CAMK2G: variants seen among roughly 807,000 people sequenced by gnomAD.
CAMK2G encodes calcium/calmodulin dependent protein kinase II gamma, also known as calcium/calmodulin-dependent protein kinase type II subunit gamma.
Under a neutral mutation model 88.7 loss-of-function variants are expected in CAMK2G, and 23 were observed. The ratio of observed to expected loss-of-function variants is 0.26; its 90% CI spans 0.19 to 0.37. The LOEUF (loss-of-function observed/expected upper bound fraction) is 0.37. Among genes scored for constraint, CAMK2G ranks in the 10% least tolerant of loss-of-function variants. The probability of loss-of-function intolerance (pLI) is 1.00; values close to 1 mark genes in which losing one functional copy is unlikely to be tolerated. For synonymous variants in CAMK2G, 263 were observed against 294.8 expected, an observed-to-expected ratio of 0.89 and a Z score of 1.11; for missense variants, 476 against 780.8, an observed-to-expected ratio of 0.61 and a Z score of 4.65.
In CAMK2G at chr10:73,848,716, C is replaced by T; in HGVS notation, c.518-107G>A. 1 of 699,808 alleles carries T rather than the reference C, an allele frequency of 1.4e-6. No individual in the cohort carries two copies. The highest frequency in any genetic ancestry group is 2.5e-6 in the Non-Finnish European group (1 of 401,306). The allele number at this position is 699,808 out of a possible 1,614,324, so 43.3% of individuals were successfully genotyped here. ...CATCTTATTCCTGCTGCTTTTGCTA[C>T]ATAAACTCTCAGCACATGGGCAGCA... On this transcript the variant is annotated intron_variant, in intron 7 of 22. Coordinates refer to ENST00000423381, the MANE Select transcript of CAMK2G (RefSeq NM_001367534.1). This position sits in a 1 kb window ranked among gnomAD's most constrained non-coding sequence, Gnocchi z 4.5.
At chr10:73,872,821 A>G (rs982306489) in intron 2 of CAMK2G, among the ~76,000 whole-genome samples, 168 bp downstream of exon 2, 4 of 152,088 alleles carry the variant, frequency 2.6e-5, no homozygotes, top group Non-Finnish European at 5.9e-5. Context: ...CCAGTCCCCC[A>G]TGCAACTCCT....
intron 20 of CAMK2G, 25 bp downstream of exon 20, chr10:73,817,454 C>CAA: frequency 8.8e-6 from 13 of 1,473,190 alleles, no homozygotes; most frequent in Non-Finnish European, 1.1e-5. Flanking sequence ...ACTTAGGTCA[C>CAA]AAAAAAAAAT....
chr10:73,844,491 T>C (rs943373948), intron 10 of CAMK2G, among the ~76,000 whole-genome samples: 2 of 152,038 alleles, frequency 1.3e-5, no homozygotes, highest in Admixed American at 6.5e-5. Flanking sequence ...CACTGCAACC[T>C]CCACCTCCTG....
At chr10:73,834,240 T>G (rs1039720917) in intron 14 of CAMK2G, among the ~76,000 whole-genome samples, 1 of 152,204 alleles carries the variant, frequency 6.6e-6, no homozygotes, top group Non-Finnish European at 1.5e-5. Context: ...TAAGAGGGAT[T>G]ATTTGTCACA....
chr10:73,860,484 G>A (rs2095324826), intron 3 of CAMK2G, among the ~76,000 whole-genome samples: 1 of 152,166 alleles, frequency 6.6e-6, no homozygotes, highest in African/African-American at 2.4e-5. Context: ...GGCTGTGGAT[G>A]GCCCCTGGTG....
At chr10:73,864,855 A>G (rs2095526753) in intron 2 of CAMK2G, among the ~76,000 whole-genome samples, 1 of 152,146 alleles carries the variant, frequency 6.6e-6, no homozygotes, top group Admixed American at 6.5e-5. Flanking sequence ...TGTGTTAGCC[A>G]GGATGGTCTC....
chr10:73,813,316 T>A lies in CAMK2G; in HGVS notation c.*1202A>T, dbSNP rs2084609040. Reference sequence around the variant, plus strand: ...GTAAGTCTATACTTCAGTTGGTCAGTAAAGAGGCCTCTGTAAGGACACCTC... The same window carrying A: ...GTAAGTCTATACTTCAGTTGGTCAGAAAAGAGGCCTCTGTAAGGACACCTC... On this transcript the variant is annotated 3_prime_UTR_variant, in exon 23 of 23. Coordinates refer to ENST00000423381, the MANE Select transcript of CAMK2G (RefSeq NM_001367534.1). The A allele has an allele frequency of 6.5e-6, 1 of 152,674 alleles. No homozygotes were observed. Among genetic ancestry groups the A allele is most frequent in the Admixed American group, 6.5e-5 (1 of 15,286 alleles). 9.5% of individuals were successfully genotyped at this position (152,674 alleles called of 1,614,324 possible).
intron 1 of CAMK2G, chr10:73,873,641 G>T: frequency 2.0e-6 from 1 of 504,466 alleles, no homozygotes; most frequent in Non-Finnish European, 2.5e-6. Flanking sequence ...GACACAGTCA[G>T]ACATCAAGAA....
rs372268046 is a variant in CAMK2G at position 73,853,513 on chromosome 10, G to A, written c.221-267C>T. 9.8e-4 allele frequency among the ~76,000 whole-genome samples: 150 copies of A among 152,346 alleles called. 1 individual carries two copies. Among genetic ancestry groups the A allele is most frequent in the African/African-American group, 3.5e-3 (144 of 41,572 alleles). On this transcript the variant is annotated intron_variant, in intron 3 of 22. Transcript: ENST00000423381. ...TAAGAAGTCAAGATGGAGAAAAGCC[G>A]GAACCTTCCCAGAGGGCTGGTCTCC...
chr10:73,855,211 T>A (rs775621006), intron 3 of CAMK2G, among the ~76,000 whole-genome samples: 3 of 152,140 alleles, frequency 2.0e-5, no homozygotes, highest in African/African-American at 7.2e-5. Flanking sequence ...CTTGCGCACC[T>A]CTGGTCTAAG....
intron 2 of CAMK2G, among the ~76,000 whole-genome samples, chr10:73,863,287 T>C (rs972078771): frequency 1.3e-5 from 2 of 152,140 alleles, no homozygotes; most frequent in African/African-American, 4.8e-5. Flanking sequence ...GAACCCCAAG[T>C]AACTCCCAAC....
chr10:73,843,372 G>A (rs1256765726), intron 10 of CAMK2G, among the ~76,000 whole-genome samples: 3 of 152,018 alleles, frequency 2.0e-5, no homozygotes, highest in African/African-American at 7.2e-5. Context: ...CGCCTTTTTT[G>A]GATGGAAATT....
intron 18 of CAMK2G, among the ~76,000 whole-genome samples, chr10:73,820,488 ATATATTTTT>A (rs1414075468): frequency 0.025 from 1,141 of 46,544 alleles, 24 homozygotes; most frequent in African/African-American, 0.11. Flanking sequence ...ATATATATAT[ATATATTTTT>A]TTTTTTTTTT....
Position 73,815,208 on chromosome 10 carries a change from A to G in CAMK2G, c.1574T>C (p.Leu525Pro). The G allele has an allele frequency of 6.2e-7, 1 of 1,614,226 alleles. No individual in the cohort carries two copies. Residue 525 changes from leucine (L) to proline (P), a missense_variant, in exon 22 of 23, where the codon CTA becomes CCA. Around this residue, in one of 3 missense-constraint regions of CAMK2G, gnomAD observed 278 missense variants for 366.5 expected, o/e 0.76. Coordinates refer to ENST00000423381, the MANE Select transcript of CAMK2G (RefSeq NM_001367534.1). ...CCCAATCACGTGGACGTGTGGGTTT[A>G]GGATGGTGGTATGGATAGGCTTGCT... The part of the protein sequence containing the change: ...KNSKPIHTTI[L>P]NPHVHVIGED...
At chr10:73,854,596 G>C (rs1378010604) in intron 3 of CAMK2G, among the ~76,000 whole-genome samples, 1 of 152,174 alleles carries the variant, frequency 6.6e-6, no homozygotes, top group Admixed American at 6.5e-5. Context: ...AAACTAACCA[G>C]TTCAGTGCTA....
At position 73,849,104 on chromosome 10, in the gene CAMK2G, C is replaced by G. The variant is rs1164667764; in HGVS notation, c.426G>C (p.Leu142=). The G allele has an allele frequency of 1.9e-6, 3 of 1,613,784 alleles. No individual in the cohort carries two copies. The highest frequency in any genetic ancestry group is 1.3e-5 in the African/African-American group (1 of 74,938). ...CACCCTTGCATTTACTCGCCAGCAGCAGGTTCTCAGGCTGCAGAAGAAACA... is the reference window on the plus strand; with the variant it reads ...CACCCTTGCATTTACTCGCCAGCAGGAGGTTCTCAGGCTGCAGAAGAAACA... ...IVHRDLKPEN[L]LLASKCKGAA... is the part of the protein sequence containing the mutation. Residue 142 remains leucine (L), a synonymous_variant, in exon 7 of 23, where the codon CTG becomes CTC. Coordinates refer to ENST00000423381, the MANE Select transcript of CAMK2G (RefSeq NM_001367534.1).
chr10:73,827,980 A>C, intron 15 of CAMK2G, 109 bp downstream of exon 15: 2 of 899,382 alleles, frequency 2.2e-6, no homozygotes, highest in Non-Finnish European at 3.8e-6. Flanking sequence ...CAGCACAGAC[A>C]TGCAGTGAGG....
intron 4 of CAMK2G, 60 bp downstream of exon 4, chr10:73,853,132 G>T: frequency 6.7e-7 from 1 of 1,502,524 alleles, no homozygotes; most frequent in Non-Finnish European, 9.3e-7. Flanking sequence ...CTCTTCCTGA[G>T]CCTTCATTTT....
chr10:73,862,951 C>T (rs547454114), intron 2 of CAMK2G, among the ~76,000 whole-genome samples: 3 of 152,268 alleles, frequency 2.0e-5, no homozygotes, highest in South Asian at 2.1e-4. Flanking sequence ...ATGGAAGAAA[C>T]GGAGGCCCAG....
Sources: allele counts gnomAD v4.1 joint callset (sites outside exome capture counted in the v4.1 genomes callset), GRCh38; gene constraint gnomAD v4.1.1; regional missense constraint gnomAD v4.1.1; non-coding constraint Gnocchi (gnomAD v3.1); transcripts MANE v1.5; gene names NCBI Gene and HGNC (gene_info 2026-07-23, HGNC 2026-07-21).